KMT2D: variants seen among roughly 807,000 people sequenced by gnomAD.
KMT2D encodes the protein lysine methyltransferase 2D, also known as histone-lysine N-methyltransferase 2D.
KMT2D carries 55 observed loss-of-function variants against 512.7 expected under a neutral mutation model. The ratio of observed to expected loss-of-function variants is 0.11; its 90% CI spans 0.09 to 0.13. KMT2D has a LOEUF of 0.13. KMT2D is among the 10% of genes least tolerant of loss of function. The probability of loss-of-function intolerance (pLI) is 1.00; values close to 1 mark genes in which losing one functional copy is unlikely to be tolerated. For missense variants in KMT2D, 6,061 were observed against 7,127.9 expected (o/e 0.85, Z 5.39); for synonymous variants, 2,995 against 2,904.0 (o/e 1.03, Z -1.01).
At position 49,046,818 on chromosome 12, in the gene KMT2D, G is replaced by A; in HGVS notation, c.4237-28C>T. 1 of 1,584,134 alleles carries A rather than the reference G, an allele frequency of 6.3e-7. No individual in the cohort carries two copies. Among genetic ancestry groups the A allele is most frequent in the Non-Finnish European group, 8.6e-7 (1 of 1,162,028 alleles). On this transcript the variant is annotated intron_variant, in intron 15 of 54. Transcript: ENST00000301067. This position sits in a 1 kb window ranked among gnomAD's most constrained non-coding sequence, Gnocchi z 4.2. ...GGGGCAGAAGATGGGAACTTCTCAG[G>A]GTGTGAGGTGGAAAAGAGGTAGAAC...
rs779166504 is a variant in KMT2D, at chr12:49,039,268, G to A, written c.8320C>T (p.Arg2774Trp). 24 of 1,613,482 alleles carry A rather than the reference G, an allele frequency of 1.5e-5. No homozygotes were observed. The highest frequency in any genetic ancestry group is 2.2e-5 in the East Asian group (1 of 44,888). The change falls in exon 34 of 55, where the codon CGG (arginine) becomes TGG (tryptophan). Residue 2774 changes from arginine to tryptophan, a missense_variant. By Grantham distance (101) the Arg-to-Trp change is moderately radical. This residue lies in a region of KMT2D where 527 missense variants were observed against 578.9 expected (regional missense o/e 0.91). Coordinates refer to ENST00000301067, the MANE Select transcript of KMT2D (RefSeq NM_003482.4). The surrounding 1 kb of genome is among the most constrained non-coding windows in gnomAD (Gnocchi z 5.0). ...GSFPSDDRLS[R>W]PPPPATPSSM... Reference sequence around the variant, plus strand: ...GAAGGCGTGGCTGGTGGAGGTGGCCGGGAGAGTCGGTCATCGCTAGGGAAG... The same window carrying A: ...GAAGGCGTGGCTGGTGGAGGTGGCCAGGAGAGTCGGTCATCGCTAGGGAAG...
At position 49,037,906 on chromosome 12, in the gene KMT2D, A is replaced by T. The variant is rs2120487396; in HGVS notation, c.9450T>A (p.Leu3150=). ...TCTGTCCTGGCTTTAGCCCCAGGCCAAGGGAATTGGCAGCAGGTGCGGGCT... is the reference window on the plus strand; with the variant it reads ...TCTGTCCTGGCTTTAGCCCCAGGCCTAGGGAATTGGCAGCAGGTGCGGGCT... ...KVEPAPAANS[L]GLGLKPGQSM... Residue 3150 remains leucine, a synonymous_variant, in exon 35 of 55, where the codon CTT becomes CTA. Coordinates refer to ENST00000301067, the MANE Select transcript of KMT2D (RefSeq NM_003482.4). 6.2e-7 allele frequency: 1 copy of T among 1,604,252 alleles called. No homozygotes were observed. Among genetic ancestry groups the T allele is most frequent in the Non-Finnish European group, 8.5e-7 (1 of 1,175,630 alleles).
chr12:49,027,768 T>C (rs1263172605), intron 48 of KMT2D, 35 bp downstream of exon 48: 13 of 1,552,374 alleles, frequency 8.4e-6, no homozygotes, highest in Non-Finnish European at 1.0e-5. Flanking sequence ...GCCCCTTTTT[T>C]CTAACACCCA....
Position 49,027,865 on chromosome 12 carries a change from C to T in KMT2D, c.14581G>A (p.Asp4861Asn), listed in dbSNP as rs202167830. 99 of 1,610,778 alleles carry T rather than the reference C, an allele frequency of 6.1e-5. 1 individual carries two copies. In the East Asian group the frequency reaches 2.2e-3, roughly 35 times the overall value. ...AGGGTATAGCCAGGCAACACTGCAT[C>T]AAACTGCTTCAGCCAATCAGGGCCA... Reference protein sequence around the residue: ...DTGPDWLKQFDAVLPGYTLKS... With the variant: ...DTGPDWLKQFNAVLPGYTLKS... Residue 4861 changes from aspartate to asparagine, a missense_variant, in exon 48 of 55, where the codon GAT (aspartate) becomes AAT (asparagine). By Grantham distance (23) the Asp-to-Asn change is conservative. Transcript: ENST00000301067.
rs749925172 is a variant in KMT2D at position 49,051,848 on chromosome 12, G to T, written c.1835C>A (p.Pro612His). ...TGGTGGGGAAAGGGGAGACTCCTCA[G>T]GTGGAGGGGACAGAGGAGACTCTTC... ...PFEESPLSPP[P>H]EESPLSPPPE... Residue 612 changes from proline (P) to histidine (H), a missense_variant, in exon 11 of 55, where the codon CCT becomes CAT. Around this residue, in one of 16 missense-constraint regions of KMT2D, gnomAD observed 848 missense variants for 838.5 expected, o/e 1.01. Coordinates refer to ENST00000301067, the MANE Select transcript of KMT2D (RefSeq NM_003482.4). 1 of 1,613,360 alleles carries T rather than the reference G, an allele frequency of 6.2e-7. No homozygotes were observed. Among genetic ancestry groups the T allele is most frequent in the Non-Finnish European group, 8.5e-7 (1 of 1,179,572 alleles).
In KMT2D at chr12:49,041,120, C is replaced by T. The variant is rs1201197190; in HGVS notation, c.6650G>A (p.Arg2217His). 6 of 1,527,840 alleles carry T rather than the reference C, an allele frequency of 3.9e-6. No individual in the cohort carries two copies. Among genetic ancestry groups the T allele is most frequent in the South Asian group, 1.3e-5 (1 of 75,782 alleles). The allele number at this position is 1,527,840 out of a possible 1,614,324, so 94.6% of individuals were successfully genotyped here. ...TTCCCCTGGCTGGCCAGCCCCAGGA[C>T]GAGATGAGGCGCCCAGCATCGGGGG... ...AQPPMLGASS[R>H]PGAGQPGEFH... Residue 2217 changes from arginine (R) to histidine (H), a missense_variant, in exon 32 of 55, where the codon CGT becomes CAT. By Grantham distance (29) the Arg-to-His change is conservative. Around this residue, in one of 16 missense-constraint regions of KMT2D, gnomAD observed 710 missense variants for 647.3 expected, o/e 1.10. Transcript: ENST00000301067. The surrounding 1 kb of genome is among the most constrained non-coding windows in gnomAD (Gnocchi z 5.4).
rs1942277637 is a variant in KMT2D, at chr12:49,020,665, A to C, written c.*1115T>G. ...CCAGCAGCAGTTTGGTGACTGAGGG[A>C]AAGTGGGAGCTCCGGGCCACACCCT... On this transcript the variant is annotated 3_prime_UTR_variant, in exon 55 of 55. Coordinates refer to ENST00000301067, the MANE Select transcript of KMT2D (RefSeq NM_003482.4). The C allele has an allele frequency of 5.9e-6, 1 of 169,550 alleles. No homozygotes were observed. The highest frequency in any genetic ancestry group is 7.2e-5 in the Admixed American group (1 of 13,860). 10.5% of individuals were successfully genotyped at this position (169,550 alleles called of 1,614,324 possible). A position where few individuals can be genotyped will look rare whatever the true frequency, so the allele number is the denominator to read the frequency against.
rs755983502 is a variant in KMT2D, at chr12:49,044,351, T to C, written c.5084-47A>G. On this transcript the variant is annotated intron_variant, in intron 21 of 54. Transcript: ENST00000301067. This position sits in a 1 kb window ranked among gnomAD's most constrained non-coding sequence, Gnocchi z 6.4. ...GATGAGAAGCCGCTGGGGGACCTAT[T>C]GAGCTGCCCCGCACCACCCCACCAC... 12 of 1,613,480 alleles carry C rather than the reference T, an allele frequency of 7.4e-6. No homozygotes were observed. The East Asian group carries it at 1.1e-4, about 15-fold the overall frequency.
At position 49,034,051 on chromosome 12, in the gene KMT2D, G is replaced by T; in HGVS notation, c.10740+16C>A. 1 of 1,608,256 alleles carries T rather than the reference G, an allele frequency of 6.2e-7. No individual in the cohort carries two copies. The highest frequency in any genetic ancestry group is 8.5e-7 in the Non-Finnish European group (1 of 1,178,040). ...CCTGCCTTCTGGGTGCTAGGCTGAA[G>T]TTTGCTTTCCCCCACCTGATCCAGT... On this transcript the variant is annotated intron_variant, in intron 39 of 54. Transcript: ENST00000301067.
At position 49,054,622 on chromosome 12, in the gene KMT2D, G is replaced by A. The variant is rs2120711591; in HGVS notation, c.306C>T (p.Ser102=). The change falls in exon 4 of 55, where the codon AGC becomes AGT. Residue 102 remains serine (S), a synonymous_variant. Coordinates refer to ENST00000301067, the MANE Select transcript of KMT2D (RefSeq NM_003482.4). The surrounding 1 kb of genome is among the most constrained non-coding windows in gnomAD (Gnocchi z 6.4). ...PRCPVVSPGG[S]PGPNEAVLPS... is the part of the protein sequence containing the mutation. ...GCAGCACTGCCTCATTGGGCCCTGG[G>A]CTCCCCCCAGGGGACACCACTGGAC... is the stretch of plus-strand genomic sequence containing the variant. 2 of 1,613,142 alleles carry A rather than the reference G, an allele frequency of 1.2e-6. No homozygotes were observed. The highest frequency in any genetic ancestry group is 1.7e-6 in the Non-Finnish European group (2 of 1,179,502).
chr12:49,039,230 C>G lies in KMT2D; in HGVS notation c.8358G>C (p.Val2786=). Residue 2786 remains valine, a synonymous_variant, in exon 34 of 55, where the codon GTG becomes GTC. Transcript: ENST00000301067. The surrounding 1 kb of genome is among the most constrained non-coding windows in gnomAD (Gnocchi z 5.0). ...PPPATPSSMD[V]NSRQLVGGSQ... Reference sequence around the variant, plus strand: ...ACCTCCTGGAGCCTCACCGGCTGTTCACATCCATAGAGGAAGGCGTGGCTG... The same window carrying G: ...ACCTCCTGGAGCCTCACCGGCTGTTGACATCCATAGAGGAAGGCGTGGCTG... 6.2e-7 allele frequency: 1 copy of G among 1,613,798 alleles called. No homozygotes were observed. Among genetic ancestry groups the G allele is most frequent in the East Asian group, 2.2e-5 (1 of 44,874 alleles).
rs1391191665 is a variant in KMT2D, at chr12:49,040,531, G to C, written c.7239C>G (p.Ala2413=). Residue 2413 remains alanine, a synonymous_variant, in exon 32 of 55, where the codon GCC becomes GCG. Transcript: ENST00000301067. The stretch of plus-strand genomic sequence containing the variant: ...GGGAGCTGGACTGGGACTGAGGACT[G>C]GCAGGCACTCGGGAGAAAGGGTCGG... ...LPSDPFSRVP[A]SPQSQSSSQS... is the part of the protein sequence containing the mutation. The C allele has an allele frequency of 1.2e-6, 2 of 1,604,394 alleles. No homozygotes were observed. Among genetic ancestry groups the C allele is most frequent in the Admixed American group, 3.4e-5 (2 of 59,614 alleles).
Position 49,040,656 on chromosome 12 carries a change from C to T in KMT2D, c.7114G>A (p.Gly2372Ser), listed in dbSNP as rs1943469318. 1 of 1,613,652 alleles carries T rather than the reference C, an allele frequency of 6.2e-7. No individual in the cohort carries two copies. Among genetic ancestry groups the T allele is most frequent in the Non-Finnish European group, 8.5e-7 (1 of 1,179,776 alleles). ...TGAGCATATGGGTCAGTGTAGGAGCCAGGGCGAAAGATGTCTGGGTGACTT... is the reference window on the plus strand; with the variant it reads ...TGAGCATATGGGTCAGTGTAGGAGCTAGGGCGAAAGATGTCTGGGTGACTT... ...PPSHPDIFRP[G>S]SYTDPYAQPP... The change falls in exon 32 of 55, where the codon GGC becomes AGC. Residue 2372 changes from glycine to serine, a missense_variant. Coordinates refer to ENST00000301067, the MANE Select transcript of KMT2D (RefSeq NM_003482.4).
At position 49,034,057 on chromosome 12, in the gene KMT2D, T is replaced by A. The variant is rs1943092804; in HGVS notation, c.10740+10A>T. 1.2e-6 allele frequency: 2 copies of A among 1,609,790 alleles called. No individual in the cohort carries two copies. Among genetic ancestry groups the A allele is most frequent in the East Asian group, 2.2e-5 (1 of 44,850 alleles). On this transcript the variant is annotated intron_variant, in intron 39 of 54. Transcript: ENST00000301067. ...TTCTGGGTGCTAGGCTGAAGTTTGCTTTCCCCCACCTGATCCAGTTGTTTC... is the reference window on the plus strand; with the variant it reads ...TTCTGGGTGCTAGGCTGAAGTTTGCATTCCCCCACCTGATCCAGTTGTTTC...
chr12:49,033,974 G>A lies in KMT2D; in HGVS notation c.10741-10C>T. 1 of 1,535,648 alleles carries A rather than the reference G, an allele frequency of 6.5e-7. No homozygotes were observed. Among genetic ancestry groups the A allele is most frequent in the Non-Finnish European group, 8.8e-7 (1 of 1,139,804 alleles). On this transcript the variant is annotated splice_polypyrimidine_tract_variant and intron_variant, in intron 39 of 54. Coordinates refer to ENST00000301067, the MANE Select transcript of KMT2D (RefSeq NM_003482.4). ...TCTGCTGTTTCCGGACCTAACATGG[G>A]AGGGTCGGAGAGGTCAGGCTGGGGC... is the stretch of plus-strand genomic sequence containing the variant.
intron 45 of KMT2D, 47 bp from the exon 46 acceptor site, chr12:49,029,005 C>CA: frequency 6.2e-7 from 1 of 1,608,438 alleles, no homozygotes; most frequent in Non-Finnish European, 8.5e-7. Flanking sequence ...GCCTCTCCCC[C>CA]AGCTTCGGAC....
chr12:49,022,938 C>T lies in KMT2D; in HGVS notation c.16053-63G>A. The T allele has an allele frequency of 6.8e-7, 1 of 1,466,196 alleles. No homozygotes were observed. The highest frequency in any genetic ancestry group is 1.8e-4 in the Middle Eastern group (1 of 5,528). 90.8% of individuals were successfully genotyped at this position (1,466,196 alleles called of 1,614,324 possible). A position where few individuals can be genotyped will look rare whatever the true frequency, so the allele number is the denominator to read the frequency against. On this transcript the variant is annotated intron_variant, in intron 51 of 54. Coordinates refer to ENST00000301067, the MANE Select transcript of KMT2D (RefSeq NM_003482.4). This position sits in a 1 kb window ranked among gnomAD's most constrained non-coding sequence, Gnocchi z 8.6. The stretch of plus-strand genomic sequence containing the variant: ...CTCAGACCAAGTACATACCACCCAC[C>T]TCCTCTGCCACCTCCTGGGATGTGC...
intron 6 of KMT2D, 143 bp from the exon 7 acceptor site, chr12:49,053,784 C>T: frequency 1.8e-6 from 2 of 1,130,828 alleles, no homozygotes; most frequent in Admixed American, 2.7e-5. Flanking sequence ...CTGCCAGCTA[C>T]TGTTCTAGGC....
At chr12:49,052,781 G>A in intron 9 of KMT2D, 72 bp from the exon 10 acceptor site, 4 of 1,587,892 alleles carry the variant, frequency 2.5e-6, no homozygotes, top group Non-Finnish European at 3.4e-6. Context: ...ACACTGGGGG[G>A]AGGCACGAAT....
Sources: allele counts gnomAD v4.1 joint callset, GRCh38; gene constraint gnomAD v4.1.1; regional missense constraint gnomAD v4.1.1; non-coding constraint Gnocchi (gnomAD v3.1); transcripts MANE v1.5; gene names NCBI Gene and HGNC (gene_info 2026-07-23, HGNC 2026-07-21).